NOXRED1: variants seen among roughly 807,000 people sequenced by gnomAD.
The protein encoded by NOXRED1 is NADP dependent oxidoreductase domain containing 1.
Under a neutral mutation model 30.4 loss-of-function variants are expected in NOXRED1, and 20 were observed. The observed-to-expected ratio is 0.66, with a 90% confidence interval of 0.46 to 0.96. The LOEUF (loss-of-function observed/expected upper bound fraction) is 0.96, where lower values mean the gene tolerates loss of function less well. NOXRED1 is among the 40% of genes least tolerant of loss of function. The pLI, the probability that NOXRED1 is intolerant of heterozygous loss-of-function variation, is 0.00. For missense variants in NOXRED1, 374 were observed against 428.0 expected (o/e 0.87, Z 1.11); for synonymous variants, 155 against 168.0 (o/e 0.92, Z 0.60).
chr14:77,406,040 G>T lies in NOXRED1; in HGVS notation c.778C>A (p.Gln260Lys). The change falls in exon 5 of 6, where the codon CAG (glutamine) becomes AAG (lysine). Residue 260 changes from glutamine (Q) to lysine (K), a missense_variant. Gln to Lys is a moderately conservative substitution (Grantham distance 53). Transcript: ENST00000380835. ...ARNMAHSQVL[Q>K]LLSELFLSVH... is the part of the protein sequence containing the mutation. ...GAGAGAAAGAGTTCACTCAGAAGCT[G>T]CAGCACTTGGGAGTGGGCCATGTTT... 1 of 1,613,722 alleles carries T rather than the reference G, an allele frequency of 6.2e-7. No individual in the cohort carries two copies. Among genetic ancestry groups the T allele is most frequent in the Non-Finnish European group, 8.5e-7 (1 of 1,179,690 alleles).
intron 5 of NOXRED1, among the ~76,000 whole-genome samples, chr14:77,396,166 G>A (rs1264058486): frequency 6.6e-6 from 1 of 151,792 alleles, no homozygotes; most frequent in African/African-American, 2.4e-5. Flanking sequence ...GAAATTAGAA[G>A]GCATGGACAT....
In NOXRED1 at chr14:77,422,805, G is replaced by C; in HGVS notation, c.85C>G (p.Arg29Gly). 6.2e-7 allele frequency: 1 copy of C among 1,613,922 alleles called. No individual in the cohort carries two copies. The change falls in exon 1 of 6, where the codon CGT (arginine) becomes GGT (glycine). Residue 29 changes from arginine (R) to glycine (G), a missense_variant. Coordinates refer to ENST00000380835, the MANE Select transcript of NOXRED1 (RefSeq NM_001113475.3). ...EDRIWLYLQG[R>G]SRGLMIEACA... ...GCCTCGATCATCAGTCCCCGAGAAC[G>C]GCCCTGCAAATACAGCCAGATACGA...
At chr14:77,408,686 T>C (rs1299823418) in intron 2 of NOXRED1, among the ~76,000 whole-genome samples, 1 of 152,116 alleles carries the variant, frequency 6.6e-6, no homozygotes, top group African/African-American at 2.4e-5. Context: ...CAAGAAGTTA[T>C]ATGACTTGTC....
rs1371356410 is a variant in NOXRED1 at position 77,423,131 on chromosome 14, T to A, written c.-242A>T. On this transcript the variant is annotated 5_prime_UTR_variant, in exon 1 of 6. Coordinates refer to ENST00000380835, the MANE Select transcript of NOXRED1 (RefSeq NM_001113475.3). Reference sequence around the variant, plus strand: ...TTCCTAATCACTGGCTGCCCATGAATCCTGGACTCATGAAAAACCTGTACA... The same window carrying A: ...TTCCTAATCACTGGCTGCCCATGAAACCTGGACTCATGAAAAACCTGTACA... The A allele has an allele frequency of 9.1e-6, 4 of 438,118 alleles. No individual in the cohort carries two copies. The highest frequency in any genetic ancestry group is 1.6e-5 in the Non-Finnish European group (4 of 248,544). The allele number at this position is 438,118 out of a possible 1,614,324, so 27.1% of individuals were successfully genotyped here.
intron 1 of NOXRED1, among the ~76,000 whole-genome samples, chr14:77,421,966 T>TCC (rs35058749): frequency 0.04 from 6,133 of 152,302 alleles, 159 homozygotes; most frequent in Non-Finnish European, 0.061. Context: ...CCAATAGGTT[T>TCC]ATGCATCCTT....
At chr14:77,410,343 C>A (rs1894617255) in intron 2 of NOXRED1, among the ~76,000 whole-genome samples, 1 of 152,096 alleles carries the variant, frequency 6.6e-6, no homozygotes, top group Non-Finnish European at 1.5e-5. Context: ...CTGTGGCTCA[C>A]ACCTATATCC....
At chr14:77,422,566 A>T (rs139632117) in intron 1 of NOXRED1, among the ~76,000 whole-genome samples, 169 bp downstream of exon 1, 1 of 152,190 alleles carries the variant, frequency 6.6e-6, no homozygotes, top group Non-Finnish European at 1.5e-5. Flanking sequence ...GGACCCTGGT[A>T]TAGATTTTCC....
At position 77,416,655 on chromosome 14, in the gene NOXRED1, C is replaced by T. The variant is rs568669863; in HGVS notation, c.156-2528G>A. 4.0e-4 allele frequency among the ~76,000 whole-genome samples: 59 copies of T among 145,930 alleles called. 1 individual carries two copies. The highest frequency in any genetic ancestry group is 2.7e-3 in the South Asian group (13 of 4,734). Reference sequence around the variant, plus strand: ...ATTTCTCAATCTTTTCCCCACCCTTCCCCCCTTTCTATTCCACAAAACCGC... The same window carrying T: ...ATTTCTCAATCTTTTCCCCACCCTTTCCCCCTTTCTATTCCACAAAACCGC... On this transcript the variant is annotated intron_variant, in intron 1 of 5. Transcript: ENST00000380835.
In NOXRED1 at chr14:77,406,733, T is replaced by C; in HGVS notation, c.673A>G (p.Ser225Gly). ...PTILQATCPY[S>G]PAGGIILNIK... ...TATGTTGAGCCGTGACCAGCAGGACTGTAGGGACAGGTAGCTTGAAGAATC... is the reference window on the plus strand; with the variant it reads ...TATGTTGAGCCGTGACCAGCAGGACCGTAGGGACAGGTAGCTTGAAGAATC... The change falls in exon 4 of 6, where the codon AGT becomes GGT. Residue 225 changes from serine (S) to glycine (G), a missense_variant. Physicochemically the swap from Ser to Gly is moderately conservative, Grantham distance 56 (BLOSUM62 0). Coordinates refer to ENST00000380835, the MANE Select transcript of NOXRED1 (RefSeq NM_001113475.3). 3.7e-6 allele frequency: 6 copies of C among 1,614,104 alleles called. No homozygotes were observed. Among genetic ancestry groups the C allele is most frequent in the Non-Finnish European group, 5.1e-6 (6 of 1,179,980 alleles).
At chr14:77,418,649 A>T (rs1414902277) in intron 1 of NOXRED1, among the ~76,000 whole-genome samples, 1 of 151,306 alleles carries the variant, frequency 6.6e-6, no homozygotes, top group Admixed American at 6.6e-5. Context: ...CCCACATCAG[A>T]CTACCACGTA....
At chr14:77,412,206 G>A (rs772837623) in intron 2 of NOXRED1, among the ~76,000 whole-genome samples, 3 of 151,590 alleles carry the variant, frequency 2.0e-5, no homozygotes, top group Middle Eastern at 3.2e-3. Flanking sequence ...ACTAAATAAG[G>A]CATAGTTACA....
chr14:77,397,654 A>G (rs1193600823), intron 5 of NOXRED1, among the ~76,000 whole-genome samples: 1 of 152,144 alleles, frequency 6.6e-6, no homozygotes, highest in African/African-American at 2.4e-5. Flanking sequence ...TGGGAGGCCA[A>G]GGCAGGCGGA....
chr14:77,413,725 A>C, intron 2 of NOXRED1, among the ~76,000 whole-genome samples: 1 of 152,200 alleles, frequency 6.6e-6, no homozygotes, highest in Non-Finnish European at 1.5e-5. Context: ...CAGGGAGGAG[A>C]CATGGATATA....
At chr14:77,419,418 G>A (rs557298664) in intron 1 of NOXRED1, among the ~76,000 whole-genome samples, 2 of 144,560 alleles carry the variant, frequency 1.4e-5, no homozygotes, top group South Asian at 2.3e-4. Flanking sequence ...TAGTATTCTT[G>A]GTTGACAGGT....
chr14:77,417,424 T>G (rs1894860062), intron 1 of NOXRED1, among the ~76,000 whole-genome samples: 1 of 152,260 alleles, frequency 6.6e-6, no homozygotes, highest in Non-Finnish European at 1.5e-5. Context: ...ATACCTTCAG[T>G]TATGTCAATA....
chr14:77,420,743 A>T (rs1894972431), intron 1 of NOXRED1, among the ~76,000 whole-genome samples: 1 of 152,142 alleles, frequency 6.6e-6, no homozygotes, highest in African/African-American at 2.4e-5. Flanking sequence ...ATTTGAAAAA[A>T]CAGTCAGGCC....
Position 77,405,814 on chromosome 14 carries a change from CAA to C in NOXRED1, c.905+97_905+98del, listed in dbSNP as rs538883676. ...CTTTACAAAAAGGTATAATTTTTAT[CAA>C]TGTTTAAAGAGAACATGAAAGGATA... On this transcript the variant is annotated intron_variant, in intron 5 of 5. Coordinates refer to ENST00000380835, the MANE Select transcript of NOXRED1 (RefSeq NM_001113475.3). 564 of 706,090 alleles carry C rather than the reference CAA, an allele frequency of 8.0e-4. 12 individuals are homozygous for C. The South Asian group carries it at 9.2e-3, about 12-fold the overall frequency. The allele number at this position is 706,090 out of a possible 1,614,324, so 43.7% of individuals were successfully genotyped here.
chr14:77,397,562 T>C (rs959212833), intron 5 of NOXRED1, among the ~76,000 whole-genome samples: 1 of 152,182 alleles, frequency 6.6e-6, no homozygotes, highest in African/African-American at 2.4e-5. Flanking sequence ...AACAATTTCA[T>C]GTGACTCCGT....
intron 5 of NOXRED1, among the ~76,000 whole-genome samples, chr14:77,404,146 G>A (rs1464596150): frequency 1.3e-5 from 2 of 152,156 alleles, no homozygotes; most frequent in African/African-American, 4.8e-5. Flanking sequence ...GGTACTACAG[G>A]ACATGTTCCC....
Sources: allele counts gnomAD v4.1 joint callset (sites outside exome capture counted in the v4.1 genomes callset), GRCh38; gene constraint gnomAD v4.1.1; transcripts MANE v1.5; gene names NCBI Gene and HGNC (gene_info 2026-07-23, HGNC 2026-07-21).